The following HAS3 variants were observed in gnomAD, a reference collection of about 807,000 sequenced individuals.
HAS3 encodes the protein HA synthase 3.
A neutral mutation model predicts 50.3 loss-of-function variants in HAS3; 27 were observed. The ratio of observed to expected loss-of-function variants is 0.54; its 90% CI spans 0.40 to 0.74. The LOEUF (loss-of-function observed/expected upper bound fraction) is 0.74. HAS3 is among the 30% of genes least tolerant of loss of function. The pLI, the probability that HAS3 is intolerant of heterozygous loss-of-function variation, is 0.00. For missense variants in HAS3, 517 were observed against 742.8 expected, an observed-to-expected ratio of 0.70 and a Z score of 3.53; for synonymous variants, 339 against 310.9, an observed-to-expected ratio of 1.09 and a Z score of -0.95.
the HAS3 span, among the ~76,000 whole-genome samples, chr16:69,097,332 A>G: frequency 1.3e-5 from 2 of 151,700 alleles, no homozygotes; most frequent in African/African-American, 4.8e-5. Flanking sequence ...AAAGTTAGCC[A>G]GGGATGGTGG....
At position 69,116,800 on chromosome 16, in the gene HAS3, C is replaced by CT. The variant is rs1383660755; in HGVS notation, c.*1537dup. 2.5e-5 allele frequency: 25 copies of CT among 985,306 alleles called. No individual in the cohort carries two copies. The highest frequency in any genetic ancestry group is 2.9e-5 in the Non-Finnish European group (24 of 829,944). 61.0% of individuals were successfully genotyped at this position (985,306 alleles called of 1,614,324 possible). On this transcript the variant is annotated 3_prime_UTR_variant, in exon 4 of 4. Transcript: ENST00000569188. ...TTAAAACCTGGGATCCTGACTAAGC[C>CT]TTTGACTTAAGGGTTGCTTGCTTGC...
At chr16:69,100,199 GA>G in the HAS3 span, among the ~76,000 whole-genome samples, 3 of 152,232 alleles carry the variant, frequency 2.0e-5, no homozygotes, top group Non-Finnish European at 4.4e-5. Flanking sequence ...AGTAAGAGGG[GA>G]AAGTTATGAA....
rs1446053176 is a variant in HAS3, at chr16:69,107,821, G to A, written c.1-1575G>A. ...TGGGAGTCCTGTGAAGGAAGCACAC[G>A]GCGGGCTCCCCGGGACGGTGGGGCA... On this transcript the variant is annotated intron_variant, in intron 1 of 3. Transcript: ENST00000569188. This position sits in a 1 kb window ranked among gnomAD's most constrained non-coding sequence, Gnocchi z 5.5. The A allele has an allele frequency of 6.8e-6, 4 of 589,002 alleles. No individual in the cohort carries two copies. The highest frequency in any genetic ancestry group is 8.6e-6 in the Non-Finnish European group (4 of 467,114). 36.5% of individuals were successfully genotyped at this position (589,002 alleles called of 1,614,324 possible). A position where few individuals can be genotyped will look rare whatever the true frequency, so the allele number is the denominator to read the frequency against.
At chr16:69,111,295 C>T (rs1764206971) in intron 2 of HAS3, among the ~76,000 whole-genome samples, 2 of 148,228 alleles carry the variant, frequency 1.3e-5, no homozygotes, top group Admixed American at 1.4e-4. Context: ...TGGTCTTGAA[C>T]TCCTGACCTC....
At chr16:69,098,880 G>A in the HAS3 span, among the ~76,000 whole-genome samples, 1 of 151,658 alleles carries the variant, frequency 6.6e-6, no homozygotes, top group Non-Finnish European at 1.5e-5. Context: ...GGTCAGGCTG[G>A]TCTCGAACTT....
rs1183509241 is a variant in HAS3 at position 69,114,972 on chromosome 16, T to C, written c.1368T>C (p.Phe456=). The C allele has an allele frequency of 6.2e-7, 1 of 1,614,036 alleles. No homozygotes were observed. The highest frequency in any genetic ancestry group is 1.7e-5 in the Admixed American group (1 of 60,012). Reference sequence around the variant, plus strand: ...CCAGCCTTCTGCCGGCCAAGATCTTTGCCATTGCTACCATCAACAAATCTG... The same window carrying C: ...CCAGCCTTCTGCCGGCCAAGATCTTCGCCATTGCTACCATCAACAAATCTG... The part of the protein sequence containing the change: ...YMSSLLPAKI[F]AIATINKSGW... Residue 456 remains phenylalanine (F), a synonymous_variant, in exon 4 of 4, where the codon TTT becomes TTC. Transcript: ENST00000569188. This position sits in a 1 kb window ranked among gnomAD's most constrained non-coding sequence, Gnocchi z 6.4.
the HAS3 span, among the ~76,000 whole-genome samples, chr16:69,100,329 G>A: frequency 6.6e-6 from 1 of 152,152 alleles, no homozygotes; most frequent in African/African-American, 2.4e-5. Context: ...GCCCTGTTTG[G>A]GCAGCTGCGG....
the HAS3 span, among the ~76,000 whole-genome samples, chr16:69,094,806 G>A: frequency 9.2e-5 from 14 of 152,266 alleles, no homozygotes; most frequent in African/African-American, 2.9e-4. Flanking sequence ...GAACAAAACG[G>A]TTGTTGAAAT....
downstream of HAS3, chr16:69,118,443 AC>A: frequency 6.2e-7 from 1 of 1,609,568 alleles, no homozygotes; most frequent in Middle Eastern, 1.7e-4. Context: ...CACCAACGCC[AC>A]GTTTCTAGAG....
chr16:69,083,579 C>A, the HAS3 span: 1 of 1,604,842 alleles, frequency 6.2e-7, no homozygotes, highest in Non-Finnish European at 8.5e-7. Flanking sequence ...GCCCAGTTGG[C>A]CCTAGAAGAG....
chr16:69,088,077 G>C, the HAS3 span, among the ~76,000 whole-genome samples: 1 of 152,022 alleles, frequency 6.6e-6, no homozygotes, highest in African/African-American at 2.4e-5. Flanking sequence ...CCACATGTAA[G>C]AGCCAGTGTG....
chr16:69,086,876 C>A, the HAS3 span, among the ~76,000 whole-genome samples: 2 of 152,184 alleles, frequency 1.3e-5, no homozygotes, highest in African/African-American at 4.8e-5. Context: ...TGCACTCCAG[C>A]CTGGGCAACA....
the HAS3 span, among the ~76,000 whole-genome samples, chr16:69,100,040 C>T: frequency 6.6e-6 from 1 of 152,010 alleles, no homozygotes; most frequent in South Asian, 2.1e-4. Context: ...AGCAGAGGCC[C>T]CTTAATTTGA....
chr16:69,098,673 T>A, the HAS3 span, among the ~76,000 whole-genome samples: 1 of 140,192 alleles, frequency 7.1e-6, no homozygotes, highest in South Asian at 2.2e-4. Context: ...TTTTTTTTTT[T>A]TTTTTTTTTT....
intron 2 of HAS3, among the ~76,000 whole-genome samples, chr16:69,111,456 G>C (rs1358342844): frequency 6.6e-6 from 1 of 152,202 alleles, no homozygotes; most frequent in Non-Finnish European, 1.5e-5. Context: ...GCAGGGTGCT[G>C]CCCATCACTT....
upstream of HAS3, among the ~76,000 whole-genome samples, chr16:69,102,929 T>C (rs1044178643): frequency 6.6e-6 from 1 of 152,126 alleles, no homozygotes; most frequent in African/African-American, 2.4e-5. Flanking sequence ...CTTGGGCTTC[T>C]AAACAGGTCA....
At chr16:69,117,965 C>G, downstream of HAS3, 1 of 224,514 alleles carries the variant, frequency 4.5e-6, no homozygotes. Context: ...GCAGAGGAAA[C>G]TTCCTTCCCT....
chr16:69,088,246 A>G, the HAS3 span, among the ~76,000 whole-genome samples: 10 of 152,146 alleles, frequency 6.6e-5, no homozygotes, highest in Non-Finnish European at 1.0e-4. Flanking sequence ...GGAGGGAGAC[A>G]GATAACAAAT....
rs1406074585 is a variant in HAS3 at position 69,116,829 on chromosome 16, C to T, written c.*1563C>T. On this transcript the variant is annotated 3_prime_UTR_variant, in exon 4 of 4. Transcript: ENST00000569188. ...GACTTAAGGGTTGCTTGCTTGCCCT[C>T]CAAATGTCCTTTCTCAGAGGGGCCA... is the stretch of plus-strand genomic sequence containing the variant. 26 of 985,286 alleles carry T rather than the reference C, an allele frequency of 2.6e-5. No homozygotes were observed. Among genetic ancestry groups the T allele is most frequent in the Non-Finnish European group, 3.1e-5 (26 of 829,952 alleles). 61.0% of individuals were successfully genotyped at this position (985,286 alleles called of 1,614,324 possible). A position where few individuals can be genotyped will look rare whatever the true frequency, so the allele number is the denominator to read the frequency against.
Sources: allele counts gnomAD v4.1 joint callset (sites outside exome capture counted in the v4.1 genomes callset), GRCh38; gene constraint gnomAD v4.1.1; non-coding constraint Gnocchi (gnomAD v3.1); transcripts MANE v1.5; gene names NCBI Gene and HGNC (gene_info 2026-07-23, HGNC 2026-07-21).